The following CROCC variants were observed in gnomAD, a reference collection of about 807,000 sequenced individuals.
CROCC encodes the protein ciliary rootlet coiled-coil, rootletin.
Under a neutral mutation model 245.2 loss-of-function variants are expected in CROCC, and 180 were observed. That is an observed-to-expected ratio of 0.73 (90% CI 0.65 to 0.83). CROCC has a LOEUF of 0.83. Ranked by LOEUF, CROCC falls within the 40% of genes least tolerant of loss-of-function variation. The pLI is 0.00. For synonymous variants in CROCC, 1,205 were observed against 1,241.6 expected, an observed-to-expected ratio of 0.97 and a Z score of 0.62; for missense variants, 2,688 against 2,779.4, an observed-to-expected ratio of 0.97 and a Z score of 0.74.
At chr1:16,923,200 G>C (rs1283271309) in intron 2 of CROCC, among the ~76,000 whole-genome samples, 4 of 152,270 alleles carry the variant, frequency 2.6e-5, no homozygotes, top group African/African-American at 4.8e-5. Context: ...TTCCCACGTG[G>C]GCAGGAAGGC....
At chr1:16,970,217 C>A in intron 33 of CROCC, 36 bp from the exon 34 acceptor site, 1 of 1,515,776 alleles carries the variant, frequency 6.6e-7, no homozygotes. Context: ...TGCTCAGGCC[C>A]AGAGGGATTC....
intron 36 of CROCC, among the ~76,000 whole-genome samples, 167 bp from the exon 37 acceptor site, chr1:16,972,191 ACT>A (rs1190083789): frequency 9.2e-5 from 14 of 152,018 alleles, no homozygotes; most frequent in African/African-American, 3.4e-4. Context: ...AAGACGCCTG[ACT>A]CTGCTATAAG....
At chr1:16,968,177 G>C in intron 30 of CROCC, 26 bp from the exon 31 acceptor site, 3 of 1,548,534 alleles carry the variant, frequency 1.9e-6, no homozygotes, top group South Asian at 2.4e-5. Flanking sequence ...CTGGACGTCT[G>C]GGCCTGAGCC....
At chr1:16,921,507 T>C (rs2075404602), upstream of CROCC, among the ~76,000 whole-genome samples, 1 of 152,274 alleles carries the variant, frequency 6.6e-6, no homozygotes, top group South Asian at 2.1e-4. Flanking sequence ...GAAAACATAC[T>C]CCCAGCATGC....
intron 1 of CROCC, 67 bp downstream of exon 1, chr1:16,922,145 G>C (rs1570578158): frequency 2.8e-6 from 4 of 1,407,450 alleles, no homozygotes; most frequent in East Asian, 5.1e-5. Context: ...GGAGTGGTGA[G>C]AGGTGTGTGC....
intron 9 of CROCC, 115 bp downstream of exon 9, chr1:16,936,988 A>G (rs1345693306): frequency 3.5e-6 from 4 of 1,134,696 alleles, no homozygotes; most frequent in South Asian, 1.5e-5. Context: ...CTGTGAGCTC[A>G]GCCAGTCTTC....
At chr1:16,921,806 C>G (rs2075410983), upstream of CROCC, 1 of 571,626 alleles carries the variant, frequency 1.7e-6, no homozygotes, top group Admixed American at 3.4e-5. Context: ...GGCTCCCTGC[C>G]TCTGCTTCCC....
intron 8 of CROCC, among the ~76,000 whole-genome samples, chr1:16,933,612 G>T (rs759632337): frequency 1.4e-4 from 22 of 152,224 alleles, no homozygotes; most frequent in Non-Finnish European, 2.4e-4. Context: ...TGTTGCCCAG[G>T]CTGGAGTGAA....
At chr1:16,932,439 C>CA in intron 8 of CROCC, among the ~76,000 whole-genome samples, 1 of 151,926 alleles carries the variant, frequency 6.6e-6, no homozygotes, top group Non-Finnish European at 1.5e-5. Context: ...GAACTCCATC[C>CA]AAAAAAAGTA....
At chr1:16,957,641 C>T (rs2076268484) in intron 25 of CROCC, among the ~76,000 whole-genome samples, 1 of 152,068 alleles carries the variant, frequency 6.6e-6, no homozygotes, top group Non-Finnish European at 1.5e-5. Flanking sequence ...GACAGGGTTT[C>T]ACCATGTGGG....
In CROCC at chr1:16,955,267, G is replaced by C. The variant is rs781251134; in HGVS notation, c.3466-45G>C. On this transcript the variant is annotated intron_variant, in intron 23 of 36. Coordinates refer to ENST00000375541, the MANE Select transcript of CROCC (RefSeq NM_014675.5). Reference sequence around the variant, plus strand: ...TGGGGTACAAGACCCAGCTTGACGGGGGGGTCCCTGACCGCTGCCCTGGGG... The same window carrying C: ...TGGGGTACAAGACCCAGCTTGACGGCGGGGTCCCTGACCGCTGCCCTGGGG... 29 of 1,582,538 alleles carry C rather than the reference G, an allele frequency of 1.8e-5. No individual in the cohort carries two copies. The South Asian group carries it at 3.1e-4, about 17-fold the overall frequency.
In CROCC at chr1:16,946,769, A is replaced by G. The variant is rs1419453481; in HGVS notation, c.2292A>G (p.Glu764=). 1.3e-6 allele frequency: 2 copies of G among 1,551,396 alleles called. No individual in the cohort carries two copies. Among genetic ancestry groups the G allele is most frequent in the East Asian group, 2.4e-5 (1 of 40,946 alleles). Residue 764 remains glutamate, a synonymous_variant, in exon 17 of 37, where the codon GAA becomes GAG. Coordinates refer to ENST00000375541, the MANE Select transcript of CROCC (RefSeq NM_014675.5). ...TCCTACCTGGCCTCCAGCTGGAGGAAGAAAAGTCCGCCCTGCAGGGCCGGC... is the reference window on the plus strand; with the variant it reads ...TCCTACCTGGCCTCCAGCTGGAGGAGGAAAAGTCCGCCCTGCAGGGCCGGC... The part of the protein sequence containing the change: ...DLNRLVAQLE[E]EKSALQGRQR...
intron 7 of CROCC, 109 bp downstream of exon 7, chr1:16,930,703 C>A (rs1373074552): frequency 2.5e-4 from 331 of 1,323,288 alleles, no homozygotes; most frequent in Non-Finnish European, 3.2e-4. Context: ...TCCAAGGGAG[C>A]CTGTTAGCAG....
intron 1 of CROCC, among the ~76,000 whole-genome samples, chr1:16,922,312 T>C (rs1288455406): frequency 6.6e-6 from 1 of 152,270 alleles, no homozygotes; most frequent in Admixed American, 6.5e-5. Context: ...GAAGGGGGTC[T>C]CTACTGCCAG....
At chr1:16,951,176 G>A (rs901659976) in intron 20 of CROCC, 54 bp downstream of exon 20, 10 of 1,388,500 alleles carry the variant, frequency 7.2e-6, no homozygotes, top group African/African-American at 5.9e-5. Context: ...TTTCATCATC[G>A]TTCTTGCTCT....
In CROCC at chr1:16,931,377, G is replaced by A. The variant is rs541522790; in HGVS notation, c.936G>A (p.Glu312=). Residue 312 remains glutamate (E), a synonymous_variant, in exon 8 of 37, where the codon GAG becomes GAA. Coordinates refer to ENST00000375541, the MANE Select transcript of CROCC (RefSeq NM_014675.5). ...QVVGFRRLVS[E]VKMFTERDLL... is the part of the protein sequence containing the mutation. ...TGGGGTTCCGGCGGCTGGTCAGCGA[G>A]GTGAAGATGTTCACTGAGAGGTGAG... is the stretch of plus-strand genomic sequence containing the variant. 29 of 1,611,932 alleles carry A rather than the reference G, an allele frequency of 1.8e-5. No homozygotes were observed. In the South Asian group the frequency reaches 2.4e-4, roughly 13 times the overall value.
intron 9 of CROCC, among the ~76,000 whole-genome samples, chr1:16,937,297 G>A (rs146775326): frequency 5.1e-3 from 770 of 151,378 alleles, no homozygotes; most frequent in African/African-American, 0.018. Context: ...AGGTTGCAGT[G>A]AGCCAAGATC....
Position 16,966,439 on chromosome 1 carries a change from G to C in CROCC, c.4728G>C (p.Gly1576=), listed in dbSNP as rs763552666. 172 of 1,537,564 alleles carry C rather than the reference G, an allele frequency of 1.1e-4. No homozygotes were observed. The highest frequency in any genetic ancestry group is 1.5e-4 in the Non-Finnish European group (167 of 1,145,478). The part of the protein sequence containing the change: ...ARRSVDGRLS[G]VQAELALQEE... ...GCAGTGTGGATGGGCGGCTGAGCGG[G>C]GTCCAGGCGGAGCTGGCGCTGCAGG... Residue 1576 remains glycine, a synonymous_variant, in exon 30 of 37, where the codon GGG becomes GGC. Transcript: ENST00000375541. The surrounding 1 kb of genome is among the most constrained non-coding windows in gnomAD (Gnocchi z 4.8).
At chr1:16,926,313 A>G (rs956227089) in intron 3 of CROCC, among the ~76,000 whole-genome samples, 2 of 152,264 alleles carry the variant, frequency 1.3e-5, no homozygotes, top group Non-Finnish European at 2.9e-5. Flanking sequence ...AGATAGGGAA[A>G]GTAAGTCCGG....
Sources: allele counts gnomAD v4.1 joint callset (sites outside exome capture counted in the v4.1 genomes callset), GRCh38; gene constraint gnomAD v4.1.1; non-coding constraint Gnocchi (gnomAD v3.1); transcripts MANE v1.5; gene names NCBI Gene and HGNC (gene_info 2026-07-23, HGNC 2026-07-21).